Variants in PTPRE observed in about 807,000 individuals in gnomAD.
The protein encoded by PTPRE is receptor-type tyrosine-protein phosphatase epsilon.
Under a neutral mutation model 102.0 loss-of-function variants are expected in PTPRE, and 51 were observed. That is an observed-to-expected ratio of 0.50 (90% confidence interval 0.40 to 0.63). The LOEUF (loss-of-function observed/expected upper bound fraction) is 0.63, where lower values mean the gene tolerates loss of function less well. Ranked by LOEUF, PTPRE falls within the 30% of genes least tolerant of loss-of-function variation. The pLI, the probability that PTPRE is intolerant of heterozygous loss-of-function variation, is 0.00. For missense variants in PTPRE, 752 were observed against 915.1 expected (o/e 0.82, Z 2.30); for synonymous variants, 345 against 348.2 (o/e 0.99, Z 0.10).
chr10:127,972,499 TG>T (rs1312300516), intron 1 of PTPRE, among the ~76,000 whole-genome samples: 2 of 152,216 alleles, frequency 1.3e-5, no homozygotes, highest in Non-Finnish European at 2.9e-5. Flanking sequence ...AGCAAGGCAG[TG>T]CTACATGTGG....
At chr10:127,995,984 T>A (rs1853224411) in intron 2 of PTPRE, among the ~76,000 whole-genome samples, 1 of 152,212 alleles carries the variant, frequency 6.6e-6, no homozygotes, top group Non-Finnish European at 1.5e-5. Context: ...TACATGCTGC[T>A]GTCTTAGATG....
At chr10:127,930,061 CAA>C (rs941241176) in intron 1 of PTPRE, among the ~76,000 whole-genome samples, 4,703 of 72,740 alleles carry the variant, frequency 0.065, 69 homozygotes, top group Middle Eastern at 0.13. Context: ...GATTCCATCT[CAA>C]AAAAAAAAAA....
Position 128,070,507 on chromosome 10 carries a change from A to G in PTPRE, c.1293+57A>G. 1 of 1,571,478 alleles carries G rather than the reference A, an allele frequency of 6.4e-7. No individual in the cohort carries two copies. On this transcript the variant is annotated intron_variant, in intron 14 of 20. Transcript: ENST00000254667. This position sits in a 1 kb window ranked among gnomAD's most constrained non-coding sequence, Gnocchi z 4.8. ...GTGTAAGCAGCCAAGGGCACGAGGA[A>G]AACAGGTGACCATTTAAAGGAAGCC...
At chr10:128,059,368 G>A (rs946889054) in intron 7 of PTPRE, among the ~76,000 whole-genome samples, 18 of 152,278 alleles carry the variant, frequency 1.2e-4, no homozygotes, top group African/African-American at 3.6e-4. Context: ...CTGGCAGCCC[G>A]ACAGAGCTGG....
rs1210763845 is a variant in PTPRE, at chr10:128,084,744, A to AAGTAAGCT, written c.*1839_*1846dup. ...TGTTTGACTGAAGGAGAAGAGAGGG[A>AAGTAAGCT]AGTAAGCTTCTGTTCAGCACCTGAA... On this transcript the variant is annotated 3_prime_UTR_variant, in exon 21 of 21. Transcript: ENST00000254667. 1 of 153,750 alleles carries AAGTAAGCT rather than the reference A, an allele frequency of 6.5e-6. No individual in the cohort carries two copies. The highest frequency in any genetic ancestry group is 1.5e-5 in the Non-Finnish European group (1 of 68,956). The allele number at this position is 153,750 out of a possible 1,614,324, so 9.5% of individuals were successfully genotyped here. A position where few individuals can be genotyped will look rare whatever the true frequency, so the allele number is the denominator to read the frequency against.
In PTPRE at chr10:128,010,148, C is replaced by T. The variant is rs575533241; in HGVS notation, c.-8+27852C>T. Reference sequence around the variant, plus strand: ...CTTTGCTGGCCGTAAACCAGGCCGACTTGTCCCCAGCCCTTCCAGCCTGGA... The same window carrying T: ...CTTTGCTGGCCGTAAACCAGGCCGATTTGTCCCCAGCCCTTCCAGCCTGGA... On this transcript the variant is annotated intron_variant, in intron 2 of 20. Transcript: ENST00000254667. 2.6e-5 allele frequency among the ~76,000 whole-genome samples: 4 copies of T among 152,358 alleles called. No individual in the cohort carries two copies. In the South Asian group the frequency reaches 6.2e-4, roughly 24 times the overall value.
In PTPRE at chr10:128,050,412, A is replaced by AGATGGATG. The variant is rs954935464; in HGVS notation, c.420+760_420+767dup. 4.9e-3 allele frequency among the ~76,000 whole-genome samples: 636 copies of AGATGGATG among 130,600 alleles called. 5 individuals carry two copies. Among genetic ancestry groups the AGATGGATG allele is most frequent in the Non-Finnish European group, 7.3e-3 (453 of 61,986 alleles). The allele number at this position is 130,600 out of a possible 152,430, so 85.7% of individuals were successfully genotyped here. ...CATATGGATGGATGAGTGGGAGGGCAGATGGATGGATGGATGGATGGGTGG... is the reference window on the plus strand; with the variant it reads ...CATATGGATGGATGAGTGGGAGGGCAGATGGATGGATGGATGGATGGATGGATGGGTGG... On this transcript the variant is annotated intron_variant, in intron 6 of 20. Transcript: ENST00000254667.
chr10:128,005,056 CA>C (rs1370376136), intron 2 of PTPRE, among the ~76,000 whole-genome samples: 1 of 152,232 alleles, frequency 6.6e-6, no homozygotes, highest in Non-Finnish European at 1.5e-5. Context: ...AGCGTCTATT[CA>C]AGTCCTTGGC....
chr10:127,946,150 T>C (rs1848602996), intron 1 of PTPRE, among the ~76,000 whole-genome samples: 1 of 152,166 alleles, frequency 6.6e-6, no homozygotes, highest in Non-Finnish European at 1.5e-5. Context: ...ACCTGGGAGT[T>C]TGTTTCTGGC....
At chr10:127,972,006 G>A (rs1016055023) in intron 1 of PTPRE, among the ~76,000 whole-genome samples, 1 of 152,188 alleles carries the variant, frequency 6.6e-6, no homozygotes, top group African/African-American at 2.4e-5. Flanking sequence ...CAATTTGCTC[G>A]TGACTCTTAG....
At chr10:127,940,161 C>G (rs1848135693) in intron 1 of PTPRE, among the ~76,000 whole-genome samples, 1 of 152,066 alleles carries the variant, frequency 6.6e-6, no homozygotes, top group Non-Finnish European at 1.5e-5. Context: ...ATGCCAGCTG[C>G]CTGAGGTGGC....
chr10:128,037,957 A>ATT lies in PTPRE; in HGVS notation c.-7-2896_-7-2895dup, dbSNP rs34089996. 1.6e-4 allele frequency among the ~76,000 whole-genome samples: 18 copies of ATT among 115,944 alleles called. 1 individual carries two copies. The highest frequency in any genetic ancestry group is 3.0e-4 in the South Asian group (1 of 3,326). 76.1% of individuals were successfully genotyped at this position (115,944 alleles called of 152,430 possible). A position where few individuals can be genotyped will look rare whatever the true frequency, so the allele number is the denominator to read the frequency against. On this transcript the variant is annotated intron_variant, in intron 2 of 20. Transcript: ENST00000254667. ...AGGTGCCTGCCACCATGTCCGGCTA[A>ATT]TTTTTTTTTTTTTTTTTTTTTTTGT...
rs530577224 is a variant in PTPRE at position 127,907,269 on chromosome 10, C to A, written c.-71C>A. 9.1e-6 allele frequency: 9 copies of A among 984,668 alleles called. No individual in the cohort carries two copies. The highest frequency in any genetic ancestry group is 5.2e-4 in the Middle Eastern group (1 of 1,910). 61.0% of individuals were successfully genotyped at this position (984,668 alleles called of 1,614,324 possible). A position where few individuals can be genotyped will look rare whatever the true frequency, so the allele number is the denominator to read the frequency against. On this transcript the variant is annotated 5_prime_UTR_variant, in exon 1 of 21. Transcript: ENST00000254667. This position sits in a 1 kb window ranked among gnomAD's most constrained non-coding sequence, Gnocchi z 4.8. ...AGGCGCCCGGGAGATGCGGAGCCTC[C>A]GCTGCAGCGCGATCTGCGCGACCAG...
chr10:127,955,708 T>G (rs184567600), intron 1 of PTPRE, among the ~76,000 whole-genome samples: 2 of 152,186 alleles, frequency 1.3e-5, no homozygotes, highest in Non-Finnish European at 2.9e-5. Context: ...TTCACACTAC[T>G]GTAAAAAACT....
chr10:128,038,992 G>T (rs909623409), intron 2 of PTPRE, among the ~76,000 whole-genome samples: 2 of 152,242 alleles, frequency 1.3e-5, no homozygotes, highest in African/African-American at 2.4e-5. Flanking sequence ...AAGGGTGTCG[G>T]CCTCCTCTTA....
At chr10:127,988,304 C>CTTTTTTTT (rs57166500) in intron 2 of PTPRE, among the ~76,000 whole-genome samples, 1 of 123,840 alleles carries the variant, frequency 8.1e-6, no homozygotes, top group African/African-American at 3.1e-5. Context: ...TTTTTCTTTT[C>CTTTTTTTT]TTTTTTTTTT....
At chr10:128,080,054 T>C (rs1851563772) in intron 20 of PTPRE, among the ~76,000 whole-genome samples, 1 of 151,764 alleles carries the variant, frequency 6.6e-6, no homozygotes, top group African/African-American at 2.4e-5. Context: ...AAAGCAGCAC[T>C]GAAATTTAAA....
At chr10:127,968,609 C>T (rs1309226317) in intron 1 of PTPRE, among the ~76,000 whole-genome samples, 2 of 152,184 alleles carry the variant, frequency 1.3e-5, no homozygotes, top group Admixed American at 6.5e-5. Context: ...GTGGAAGGAG[C>T]GTTGTATCAG....
chr10:127,979,935 C>T (rs1364246665), intron 1 of PTPRE, among the ~76,000 whole-genome samples: 1 of 152,122 alleles, frequency 6.6e-6, no homozygotes, highest in Non-Finnish European at 1.5e-5. Context: ...TCTATCAATC[C>T]TCTTGAGATA....
Sources: allele counts gnomAD v4.1 joint callset (sites outside exome capture counted in the v4.1 genomes callset), GRCh38; gene constraint gnomAD v4.1.1; non-coding constraint Gnocchi (gnomAD v3.1); transcripts MANE v1.5; gene names NCBI Gene and HGNC (gene_info 2026-07-23, HGNC 2026-07-21).